Variants in ASMT observed in about 807,000 individuals in gnomAD.
ASMT encodes acetylserotonin O-methyltransferase.
ASMT carries 53 observed loss-of-function variants against 41.3 expected under a neutral mutation model. That is an observed-to-expected ratio of 1.28 (90% confidence interval 1.03 to 1.61). The LOEUF is 1.61. Among genes scored for constraint, ASMT ranks in the 40% most tolerant of loss-of-function variants. The pLI is 0.00. For missense variants in ASMT, 531 were observed against 441.3 expected (o/e 1.20, Z -1.82); for synonymous variants, 231 against 184.8 (o/e 1.25, Z -2.03).
intron 1 of ASMT, among the ~76,000 whole-genome samples, chrX:1,622,526 G>C (rs1298090484): frequency 1.3e-5 from 2 of 151,546 alleles, no homozygotes; most frequent in Admixed American, 6.6e-5. Context: ...CCTGACCTCA[G>C]GTGATCCACC....
intron 1 of ASMT, among the ~76,000 whole-genome samples, chrX:1,615,530 T>C (rs1934051901): frequency 6.6e-6 from 1 of 151,998 alleles, no homozygotes; most frequent in African/African-American, 2.4e-5. Flanking sequence ...GGGCCAGTCG[T>C]GGTGGCTCAC....
chrX:1,634,789 A>G (rs372304809), intron 7 of ASMT, among the ~76,000 whole-genome samples: 31 of 149,364 alleles, frequency 2.1e-4, no homozygotes, highest in African/African-American at 7.6e-4. Flanking sequence ...TCAGCCTCCT[A>G]AGTAGCTGAG....
At chrX:1,620,154 G>T (rs1354264576) in intron 1 of ASMT, among the ~76,000 whole-genome samples, 1 of 138,590 alleles carries the variant, frequency 7.2e-6, no homozygotes, top group African/African-American at 2.6e-5. Context: ...TAAAGAACAA[G>T]AATTAATATA....
In ASMT at chrX:1,618,763, G is replaced by T. The variant is rs148120018; in HGVS notation, c.69+3495G>T. ...ATTTTTCTATTTTTTAGTAAAGGTG[G>T]GATTTCTGTTACTGTCCCAGACAAC... On this transcript the variant is annotated intron_variant, in intron 1 of 8. Coordinates refer to ENST00000381241, the MANE Select transcript of ASMT (RefSeq NM_001171038.2). 8.8e-3 allele frequency among the ~76,000 whole-genome samples: 1,335 copies of T among 152,214 alleles called. 21 individuals are homozygous for T. The highest frequency in any genetic ancestry group is 0.029 in the African/African-American group (1,206 of 41,484).
intron 7 of ASMT, among the ~76,000 whole-genome samples, chrX:1,634,157 G>A (rs1934876787): frequency 6.6e-6 from 1 of 152,150 alleles, no homozygotes; most frequent in Non-Finnish European, 1.5e-5. Flanking sequence ...AGGACACACC[G>A]AGCTCAGAAG....
At position 1,623,318 on chromosome X, in the gene ASMT, G is replaced by A; in HGVS notation, c.244+5G>A. The A allele has an allele frequency of 1.2e-6, 2 of 1,613,926 alleles. No individual in the cohort carries two copies. On this transcript the variant is annotated splice_donor_5th_base_variant and intron_variant, in intron 2 of 8. Coordinates refer to ENST00000381241, the MANE Select transcript of ASMT (RefSeq NM_001171038.2). ...TGGAGACGAGGGGAGGAAAAGGTGA[G>A]GACACGGGCGTTTTGAAGGAGGCAT...
At chrX:1,620,378 G>C (rs1479064754) in intron 1 of ASMT, among the ~76,000 whole-genome samples, 6 of 151,562 alleles carry the variant, frequency 4.0e-5, no homozygotes, top group Non-Finnish European at 7.4e-5. Context: ...ATGTTGGCCA[G>C]GCTGGTGTCG....
chrX:1,633,437 T>C, intron 7 of ASMT, 147 bp downstream of exon 7: 1 of 898,974 alleles, frequency 1.1e-6, no homozygotes, highest in South Asian at 1.3e-5. Context: ...TTATTCATGA[T>C]GGATGGAAAG....
chrX:1,626,593 C>T (rs1438628006), intron 3 of ASMT, among the ~76,000 whole-genome samples: 1 of 152,034 alleles, frequency 6.6e-6, no homozygotes, highest in Non-Finnish European at 1.5e-5. Context: ...GGAAAGTGAG[C>T]CACGTAATAT....
chrX:1,615,357 G>A (rs1934043889), intron 1 of ASMT, 89 bp downstream of exon 1: 3 of 1,233,782 alleles, frequency 2.4e-6, no homozygotes, highest in Non-Finnish European at 2.3e-6. Flanking sequence ...AAAATGATGA[G>A]TCTCCATCAT....
intron 1 of ASMT, among the ~76,000 whole-genome samples, chrX:1,615,705 G>C (rs1309206203): frequency 7.2e-5 from 11 of 151,974 alleles, no homozygotes; most frequent in African/African-American, 2.7e-4. Context: ...GGGAGGCTGA[G>C]GCAGGAGAAT....
intron 4 of ASMT, among the ~76,000 whole-genome samples, chrX:1,628,685 C>G (rs1448081069): frequency 6.0e-5 from 9 of 150,104 alleles, no homozygotes; most frequent in African/African-American, 2.2e-4. Context: ...CTTCTCTTCT[C>G]TTCTCTCCTC....
At chrX:1,628,276 G>T (rs191847746) in intron 4 of ASMT, among the ~76,000 whole-genome samples, 1 of 152,130 alleles carries the variant, frequency 6.6e-6, no homozygotes, top group South Asian at 2.1e-4. Context: ...ATCTGAGATC[G>T]CACCACTGCA....
At chrX:1,641,921 G>T (rs1248100470) in intron 8 of ASMT, among the ~76,000 whole-genome samples, 1 of 149,306 alleles carries the variant, frequency 6.7e-6, no homozygotes, top group Non-Finnish European at 1.5e-5. Context: ...TGAGGATGTG[G>T]GCACAACCTC....
At position 1,623,328 on chromosome X, in the gene ASMT, G is replaced by A. The variant is rs375431044; in HGVS notation, c.244+15G>A. 2.4e-5 allele frequency: 38 copies of A among 1,613,894 alleles called. No homozygotes were observed. Among genetic ancestry groups the A allele is most frequent in the Admixed American group, 1.3e-4 (8 of 59,998 alleles). On this transcript the variant is annotated intron_variant, in intron 2 of 8. Transcript: ENST00000381241. Reference sequence around the variant, plus strand: ...GGGAGGAAAAGGTGAGGACACGGGCGTTTTGAAGGAGGCATTTTACATAGA... The same window carrying A: ...GGGAGGAAAAGGTGAGGACACGGGCATTTTGAAGGAGGCATTTTACATAGA...
intron 3 of ASMT, among the ~76,000 whole-genome samples, chrX:1,625,854 C>CCT: frequency 6.7e-6 from 1 of 149,332 alleles, no homozygotes; most frequent in African/African-American, 2.5e-5. Context: ...CTCGGAGAGG[C>CCT]TGAGGCAGGA....
intron 8 of ASMT, among the ~76,000 whole-genome samples, chrX:1,641,339 T>G (rs756971565): frequency 1.2e-5 from 1 of 85,266 alleles, no homozygotes; most frequent in African/African-American, 4.1e-5. Flanking sequence ...TCCATTAGGA[T>G]GTGGACACAG....
At position 1,624,393 on chromosome X, in the gene ASMT, C is replaced by G. The variant is rs776884524; in HGVS notation, c.369C>G (p.Ala123=). 7 of 1,612,926 alleles carry G rather than the reference C, an allele frequency of 4.3e-6. No individual in the cohort carries two copies. Among genetic ancestry groups the G allele is most frequent in the Non-Finnish European group, 5.9e-6 (7 of 1,179,696 alleles). ...SYRCWGHLAD[A]VREGRNQYLE... is the part of the protein sequence containing the mutation. ...GGTGCTGGGGCCACCTGGCAGACGC[C>G]GTGAGGTGGGGGCTGCCCCCAGGCA... Residue 123 remains alanine, a synonymous_variant, in exon 3 of 9, where the codon GCC becomes GCG. Transcript: ENST00000381241.
At position 1,616,172 on chromosome X, in the gene ASMT, GCACCCA is replaced by G. The variant is rs1934096078; in HGVS notation, c.69+906_69+911del. Among the ~76,000 whole-genome samples, 771 of 144,318 alleles carry G rather than the reference GCACCCA, an allele frequency of 5.3e-3. 21 individuals carry two copies. The highest frequency in any genetic ancestry group is 0.02 in the African/African-American group (708 of 35,972). 94.7% of individuals were successfully genotyped at this position (144,318 alleles called of 152,430 possible). On this transcript the variant is annotated intron_variant, in intron 1 of 8. Coordinates refer to ENST00000381241, the MANE Select transcript of ASMT (RefSeq NM_001171038.2). ...GCCTCCCGAGTATCTGGGATTACAG[GCACCCA>G]CCACCACGCCCGGCTAATTTTTGTA...
Sources: gnomAD v4.1 joint callset for allele counts (sites outside exome capture counted in the v4.1 genomes callset) on GRCh38, gnomAD v4.1.1 for gene constraint, MANE v1.5 for transcripts, NCBI Gene and HGNC (gene_info 2026-07-23, HGNC 2026-07-21) for gene names.